The following KATNBL1 variants were observed in gnomAD, a reference collection of about 807,000 sequenced individuals.
The protein encoded by KATNBL1 is KATNB1-like protein 1.
In KATNBL1, 28 loss-of-function variants were observed where a neutral mutation model predicts 44.7. The observed-to-expected ratio is 0.63, with a 90% CI of 0.46 to 0.86. The LOEUF is 0.86. Among genes scored for constraint, KATNBL1 ranks in the 40% least tolerant of loss-of-function variants. KATNBL1 has a pLI of 0.00. For synonymous variants in KATNBL1, 78 were observed against 114.9 expected (o/e 0.68, Z 2.06); for missense variants, 272 against 350.7 (o/e 0.78, Z 1.79).
At position 34,167,753 on chromosome 15, in the gene KATNBL1, T is replaced by C. The variant is rs545863222; in HGVS notation, c.-14-4063A>G. Reference sequence around the variant, plus strand: ...ACAGCGCATTTCTCGGCAGAAACCCTACAAGCCAGAAGAGAGTGGGGGCCA... The same window carrying C: ...ACAGCGCATTTCTCGGCAGAAACCCCACAAGCCAGAAGAGAGTGGGGGCCA... On this transcript the variant is annotated intron_variant, in intron 1 of 9. Coordinates refer to ENST00000256544, the MANE Select transcript of KATNBL1 (RefSeq NM_024713.3). 6.6e-5 allele frequency among the ~76,000 whole-genome samples: 10 copies of C among 152,276 alleles called. No homozygotes were observed. The South Asian group carries it at 1.7e-3, about 25-fold the overall frequency.
chr15:34,155,767 T>G (rs117324311), intron 2 of KATNBL1, among the ~76,000 whole-genome samples: 1 of 152,192 alleles, frequency 6.6e-6, no homozygotes, highest in South Asian at 2.1e-4. Flanking sequence ...ATCTCTAGTA[T>G]AGTTAATAAA....
rs1257023663 is a variant in KATNBL1 at position 34,181,868 on chromosome 15, TCC to T, written c.-14-18180_-14-18179del. On this transcript the variant is annotated intron_variant, in intron 1 of 9. Transcript: ENST00000256544. Reference sequence around the variant, plus strand: ...CATATATATAGTCCATATATATATATCCATATATATATATATATATGGATGGG... The same window carrying T: ...CATATATATAGTCCATATATATATATATATATATATATATATATGGATGGG... Among the ~76,000 whole-genome samples, 234 of 96,778 alleles carry T rather than the reference TCC, an allele frequency of 2.4e-3. 40 individuals are homozygous for T. The highest frequency in any genetic ancestry group is 9.7e-3 in the South Asian group (27 of 2,782). The allele number at this position is 96,778 out of a possible 152,430, so 63.5% of individuals were successfully genotyped here.
intron 1 of KATNBL1, among the ~76,000 whole-genome samples, chr15:34,194,795 A>G (rs74953288): frequency 0.031 from 4,767 of 152,330 alleles, 248 homozygotes; most frequent in African/African-American, 0.11. Flanking sequence ...AAAACAGGGT[A>G]AGAACACAAA....
chr15:34,185,658 T>A (rs1356721522), intron 1 of KATNBL1, among the ~76,000 whole-genome samples: 1 of 152,196 alleles, frequency 6.6e-6, no homozygotes, highest in Non-Finnish European at 1.5e-5. Flanking sequence ...AGCCAATCAC[T>A]GAGACAATGC....
At chr15:34,180,741 C>G (rs539927193) in intron 1 of KATNBL1, among the ~76,000 whole-genome samples, 14 of 152,082 alleles carry the variant, frequency 9.2e-5, no homozygotes, top group Non-Finnish European at 1.3e-4. Context: ...CTTTCTCCTT[C>G]CTTCTAACAA....
intron 1 of KATNBL1, among the ~76,000 whole-genome samples, chr15:34,196,343 G>A (rs190370593): frequency 2.3e-3 from 356 of 152,038 alleles, no homozygotes; most frequent in East Asian, 2.5e-3. Context: ...GCGTGAACCC[G>A]GGAGGTGGAG....
chr15:34,147,013 A>G, intron 7 of KATNBL1, 163 bp from the exon 8 acceptor site: 2 of 642,938 alleles, frequency 3.1e-6, no homozygotes, highest in East Asian at 5.5e-5. Context: ...ATTTCATGTA[A>G]TTTGTTTAGA....
chr15:34,148,501 C>G, intron 5 of KATNBL1, 131 bp downstream of exon 5: 1 of 568,742 alleles, frequency 1.8e-6, no homozygotes, highest in Non-Finnish European at 3.2e-6. Context: ...GGTGGGAGGG[C>G]TGCTTGAACT....
At chr15:34,186,494 T>C (rs575891176) in intron 1 of KATNBL1, among the ~76,000 whole-genome samples, 38 of 152,208 alleles carry the variant, frequency 2.5e-4, no homozygotes, top group African/African-American at 7.7e-4. Flanking sequence ...ACCTTACCTA[T>C]GGCTGCAGAC....
Position 34,163,532 on chromosome 15 carries a change from A to T in KATNBL1, c.117+28T>A, listed in dbSNP as rs899614802. 10 of 1,576,100 alleles carry T rather than the reference A, an allele frequency of 6.3e-6. No homozygotes were observed. In the Admixed American group the frequency reaches 1.8e-4, roughly 29 times the overall value. On this transcript the variant is annotated intron_variant, in intron 2 of 9. Transcript: ENST00000256544. ...GAGACCTAACCGTTTAAATTGTCTTATCTGTTTTCTAGAAACCATAGACTT... is the reference window on the plus strand; with the variant it reads ...GAGACCTAACCGTTTAAATTGTCTTTTCTGTTTTCTAGAAACCATAGACTT...
intron 2 of KATNBL1, among the ~76,000 whole-genome samples, chr15:34,156,359 A>G (rs1056526578): frequency 1.3e-5 from 2 of 152,198 alleles, no homozygotes; most frequent in Non-Finnish European, 2.9e-5. Flanking sequence ...CTGGAAAAAG[A>G]GCTACCATAC....
At chr15:34,202,473 C>T (rs1359034356) in intron 1 of KATNBL1, among the ~76,000 whole-genome samples, 1 of 149,284 alleles carries the variant, frequency 6.7e-6, no homozygotes, top group Non-Finnish European at 1.5e-5. Flanking sequence ...CCTTTATGTT[C>T]CAAAACTTGT....
intron 1 of KATNBL1, among the ~76,000 whole-genome samples, chr15:34,204,460 A>G (rs1356089690): frequency 6.6e-6 from 1 of 152,200 alleles, no homozygotes; most frequent in Non-Finnish European, 1.5e-5. Context: ...GTGGATACTC[A>G]TGTCCCCTAG....
intron 9 of KATNBL1, among the ~76,000 whole-genome samples, chr15:34,143,574 A>T (rs1309572080): frequency 6.6e-6 from 1 of 151,824 alleles, no homozygotes; most frequent in Non-Finnish European, 1.5e-5. Flanking sequence ...GAGCAAGGTA[A>T]TACGTCATGT....
intron 1 of KATNBL1, chr15:34,209,637 C>G (rs969351178): frequency 6.6e-6 from 1 of 152,400 alleles, no homozygotes; most frequent in Non-Finnish European, 1.5e-5. Context: ...TTCCCCTTCC[C>G]CAGGTGCAGC....
chr15:34,149,778 A>G (rs1231596089), intron 4 of KATNBL1, among the ~76,000 whole-genome samples: 1 of 152,222 alleles, frequency 6.6e-6, no homozygotes, highest in Non-Finnish European at 1.5e-5. Context: ...GTGTGCCTAC[A>G]GTCCCAGCTA....
intron 1 of KATNBL1, among the ~76,000 whole-genome samples, chr15:34,207,611 A>ATTAC (rs1157996501): frequency 1.0e-5 from 1 of 100,276 alleles, no homozygotes; most frequent in East Asian, 3.0e-4. Flanking sequence ...AAGTGCTGGG[A>ATTAC]TTACAGGTGT....
In KATNBL1 at chr15:34,142,340, C is replaced by CA. The variant is rs759085540; in HGVS notation, c.913dup (p.Ter305LeufsTer7). ...ATGCTCTTTAGTAGATGAAATCTCT[C>CA]AATGTAACTGTAATAAATAAGCATC... On this transcript the variant is annotated frameshift_variant and stop_lost, in exon 10 of 10. Coordinates refer to ENST00000256544, the MANE Select transcript of KATNBL1 (RefSeq NM_024713.3). LOFTEE classifies it high-confidence loss of function. 2.5e-6 allele frequency: 4 copies of CA among 1,594,520 alleles called. No homozygotes were observed. In the South Asian group the frequency reaches 4.5e-5, roughly 18 times the overall value.
At chr15:34,200,196 G>T (rs1175609921) in intron 1 of KATNBL1, among the ~76,000 whole-genome samples, 4 of 151,906 alleles carry the variant, frequency 2.6e-5, no homozygotes, top group Non-Finnish European at 5.9e-5. Context: ...ACTCAAAGTT[G>T]ATATCTCAAG....
Sources: allele counts gnomAD v4.1 joint callset (sites outside exome capture counted in the v4.1 genomes callset), GRCh38; gene constraint gnomAD v4.1.1; transcripts MANE v1.5; gene names NCBI Gene and HGNC (gene_info 2026-07-23, HGNC 2026-07-21).